Variants in XKR4 observed in about 807,000 individuals in gnomAD.
The protein encoded by XKR4 is XK related 4.
Under a neutral mutation model 53.9 loss-of-function variants are expected in XKR4, and 12 were observed. That is an observed-to-expected ratio of 0.22 (90% confidence interval 0.14 to 0.36). The LOEUF is 0.36. XKR4 is among the 10% of genes least tolerant of loss of function. The pLI, the probability that XKR4 is intolerant of heterozygous loss-of-function variation, is 1.00. For synonymous variants in XKR4, 354 were observed against 362.4 expected, an observed-to-expected ratio of 0.98 and a Z score of 0.26; for missense variants, 799 against 859.5, an observed-to-expected ratio of 0.93 and a Z score of 0.88.
chr8:55,313,559 T>C (rs1284975268), intron 1 of XKR4, among the ~76,000 whole-genome samples: 1 of 152,158 alleles, frequency 6.6e-6, no homozygotes, highest in Non-Finnish European at 1.5e-5. Flanking sequence ...CAGGGTACTC[T>C]GGAAGCCACT....
Position 55,382,768 on chromosome 8 carries a change from G to T in XKR4, c.1006+24891G>T, listed in dbSNP as rs536836442. Among the ~76,000 whole-genome samples the T allele has an allele frequency of 4.6e-4, 70 of 151,314 alleles. 1 individual carries two copies. The highest frequency in any genetic ancestry group is 1.5e-3 in the African/African-American group (60 of 41,260). ...ATACTTGATTTCTTTTTAGCATCTGGTTTTTTTTTAACTATTCAGGATTTT... is the reference window on the plus strand; with the variant it reads ...ATACTTGATTTCTTTTTAGCATCTGTTTTTTTTTTAACTATTCAGGATTTT... On this transcript the variant is annotated intron_variant, in intron 2 of 2. Transcript: ENST00000327381.
At chr8:55,404,951 C>A (rs1010713313) in intron 2 of XKR4, among the ~76,000 whole-genome samples, 2 of 152,156 alleles carry the variant, frequency 1.3e-5, no homozygotes, top group Non-Finnish European at 1.5e-5. Context: ...TGCTGCGTTG[C>A]GCTGCGGCTT....
intron 1 of XKR4, among the ~76,000 whole-genome samples, chr8:55,293,618 A>G (rs1022279394): frequency 1.1e-4 from 17 of 152,272 alleles, no homozygotes; most frequent in African/African-American, 3.8e-4. Context: ...TAAAATCATG[A>G]TGTAATTTTA....
rs186318114 is a variant in XKR4, at chr8:55,333,427, T to C, written c.807-24251T>C. On this transcript the variant is annotated intron_variant, in intron 1 of 2. Coordinates refer to ENST00000327381, the MANE Select transcript of XKR4 (RefSeq NM_052898.2). ...GAAGACTTAAAGTCTTCTCAGGACT[T>C]TTCTGGGCATGCCTCTACCTTGGGC... Among the ~76,000 whole-genome samples the C allele has an allele frequency of 1.5e-4, 23 of 152,234 alleles. No homozygotes were observed. In the East Asian group the frequency reaches 3.9e-3, roughly 26 times the overall value.
chr8:55,229,989 T>G (rs991790980), intron 1 of XKR4, among the ~76,000 whole-genome samples: 10 of 152,196 alleles, frequency 6.6e-5, no homozygotes. Flanking sequence ...CTCCGTTGCC[T>G]GGTGTCCTTT....
At chr8:55,523,207 C>A in intron 2 of XKR4, 74 bp from the exon 3 acceptor site, 1 of 1,367,560 alleles carries the variant, frequency 7.3e-7, no homozygotes. Flanking sequence ...CCCAAGCCCC[C>A]AGCTCTGTGT....
chr8:55,398,745 G>A (rs1394845862), intron 2 of XKR4, among the ~76,000 whole-genome samples: 2 of 152,170 alleles, frequency 1.3e-5, no homozygotes, highest in African/African-American at 2.4e-5. Flanking sequence ...GAGGAAACAG[G>A]ACTTGATAGC....
rs369781326 is a variant in XKR4 at position 55,141,117 on chromosome 8, C to T, written c.806+37823C>T. 3.3e-5 allele frequency among the ~76,000 whole-genome samples: 5 copies of T among 152,078 alleles called. No homozygotes were observed. The East Asian group carries it at 5.8e-4, about 18-fold the overall frequency. The stretch of plus-strand genomic sequence containing the variant: ...ACTCTGTACCCATTAGCAATCAGTC[C>T]CCATTCCCCTCCCACCCACGCCTTC... On this transcript the variant is annotated intron_variant, in intron 1 of 2. Coordinates refer to ENST00000327381, the MANE Select transcript of XKR4 (RefSeq NM_052898.2).
At chr8:55,413,842 T>C (rs2129391562) in intron 2 of XKR4, among the ~76,000 whole-genome samples, 2 of 152,294 alleles carry the variant, frequency 1.3e-5, no homozygotes, top group South Asian at 4.1e-4. Flanking sequence ...CATAACAAAG[T>C]AGTAAGGAAC....
At chr8:55,435,042 T>C (rs1392233500) in intron 2 of XKR4, among the ~76,000 whole-genome samples, 1 of 152,202 alleles carries the variant, frequency 6.6e-6, no homozygotes, top group African/African-American at 2.4e-5. Context: ...TTCATGCTTT[T>C]GGAAACAGGG....
intron 2 of XKR4, among the ~76,000 whole-genome samples, chr8:55,481,537 T>G (rs1156238548): frequency 3.3e-5 from 5 of 152,098 alleles, no homozygotes; most frequent in Non-Finnish European, 7.4e-5. Flanking sequence ...AAAGCCAAAA[T>G]TGACAATGGG....
At chr8:55,373,660 A>C (rs766789339) in intron 2 of XKR4, among the ~76,000 whole-genome samples, 1 of 152,226 alleles carries the variant, frequency 6.6e-6, no homozygotes, top group Non-Finnish European at 1.5e-5. Flanking sequence ...AAAATCTAAA[A>C]TATATCCTCT....
chr8:55,169,029 T>A (rs909696781), intron 1 of XKR4, among the ~76,000 whole-genome samples: 1 of 152,210 alleles, frequency 6.6e-6, no homozygotes, highest in African/African-American at 2.4e-5. Flanking sequence ...TCATGTTCTT[T>A]TAAAAATACT....
At chr8:55,494,550 A>T (rs1806315085) in intron 2 of XKR4, among the ~76,000 whole-genome samples, 1 of 152,142 alleles carries the variant, frequency 6.6e-6, no homozygotes, top group African/African-American at 2.4e-5. Flanking sequence ...TTATTAAGTG[A>T]TAGAACAGCT....
intron 2 of XKR4, among the ~76,000 whole-genome samples, chr8:55,411,732 G>A (rs1198374753): frequency 2.6e-5 from 4 of 152,206 alleles, no homozygotes; most frequent in East Asian, 1.9e-4. Flanking sequence ...AGTGGAATTC[G>A]CGAGAGTGCC....
chr8:55,431,159 T>C (rs1805098254), intron 2 of XKR4, among the ~76,000 whole-genome samples: 1 of 152,238 alleles, frequency 6.6e-6, no homozygotes, highest in African/African-American at 2.4e-5. Flanking sequence ...TGGCTGGACC[T>C]TAACTGGAGA....
At chr8:55,498,608 C>CA (rs912897862) in intron 2 of XKR4, among the ~76,000 whole-genome samples, 16 of 152,082 alleles carry the variant, frequency 1.1e-4, no homozygotes, top group Admixed American at 6.5e-4. Flanking sequence ...GCCATCTCTA[C>CA]AAAAAAATAC....
chr8:55,364,203 A>G (rs2622563), intron 2 of XKR4, among the ~76,000 whole-genome samples: 34,362 of 152,176 alleles, frequency 0.23, 4,377 homozygotes, highest in African/African-American at 0.35. Flanking sequence ...AGTTCCGATC[A>G]GACAGTTCTG....
chr8:55,177,620 C>A (rs533590157), intron 1 of XKR4, among the ~76,000 whole-genome samples: 1 of 152,316 alleles, frequency 6.6e-6, no homozygotes, highest in East Asian at 1.9e-4. Context: ...GGCAGACATA[C>A]TCCTGCTGGG....
Sources: gnomAD v4.1 joint callset for allele counts (sites outside exome capture counted in the v4.1 genomes callset) on GRCh38, gnomAD v4.1.1 for gene constraint, MANE v1.5 for transcripts, NCBI Gene and HGNC (gene_info 2026-07-23, HGNC 2026-07-21) for gene names.